The following USP7 variants were observed in gnomAD, a reference collection of about 807,000 sequenced individuals.
USP7 encodes the protein ubiquitin C-terminal hydrolase 7.
A neutral mutation model predicts 162.9 loss-of-function variants in USP7; 9 were observed. That is an observed-to-expected ratio of 0.06 (90% CI 0.03 to 0.10). USP7 has a LOEUF of 0.10. USP7 is among the 10% of genes least tolerant of loss of function. USP7 has a pLI of 1.00. For missense variants in USP7, 715 were observed against 1,373.7 expected (o/e 0.52, Z 7.58); for synonymous variants, 562 against 475.9 (o/e 1.18, Z -2.35).
At chr16:8,928,361 T>C (rs1446401495) in intron 2 of USP7, among the ~76,000 whole-genome samples, 1 of 152,180 alleles carries the variant, frequency 6.6e-6, no homozygotes, top group African/African-American at 2.4e-5. Context: ...AGCTCTGAAG[T>C]CCAGAGTCTT....
In USP7 at chr16:8,893,825, G is replaced by C. The variant is rs2061641068; in HGVS notation, c.*173C>G. 16 of 600,646 alleles carry C rather than the reference G, an allele frequency of 2.7e-5. 2 individuals carry two copies. In the South Asian group the frequency reaches 3.3e-4, roughly 12 times the overall value. The allele number at this position is 600,646 out of a possible 1,614,324, so 37.2% of individuals were successfully genotyped here. A position where few individuals can be genotyped will look rare whatever the true frequency, so the allele number is the denominator to read the frequency against. ...AAACATCTTCATTTTGCTCAAAAAGGGCAGTCAATAGATACAGAGAAGCCA... is the reference window on the plus strand; with the variant it reads ...AAACATCTTCATTTTGCTCAAAAAGCGCAGTCAATAGATACAGAGAAGCCA... On this transcript the variant is annotated 3_prime_UTR_variant, in exon 31 of 31. Coordinates refer to ENST00000344836, the MANE Select transcript of USP7 (RefSeq NM_003470.3).
intron 1 of USP7, among the ~76,000 whole-genome samples, chr16:8,952,111 CA>C (rs1899581293): frequency 6.6e-6 from 1 of 151,832 alleles, no homozygotes; most frequent in East Asian, 1.9e-4. Flanking sequence ...AAAAAATGGC[CA>C]GGTGTGGTGT....
intron 5 of USP7, 108 bp downstream of exon 5, chr16:8,920,251 G>A: frequency 1.1e-6 from 1 of 941,368 alleles, no homozygotes; most frequent in Non-Finnish European, 1.6e-6. Context: ...AGCGCAGAGA[G>A]GAGGCTTACT....
chr16:8,904,964 C>T (rs770392977), intron 14 of USP7, among the ~76,000 whole-genome samples: 25 of 152,086 alleles, frequency 1.6e-4, no homozygotes, highest in Non-Finnish European at 1.6e-4. Context: ...AGCAAGACTC[C>T]GTCTCAAAAA....
At chr16:8,960,125 C>T (rs1899954305) in intron 1 of USP7, among the ~76,000 whole-genome samples, 1 of 152,212 alleles carries the variant, frequency 6.6e-6, no homozygotes, top group African/African-American at 2.4e-5. Context: ...TCCATGGCCA[C>T]CAAAGTTAGC....
Position 8,902,063 on chromosome 16 carries a change from G to C in USP7, c.2047+19C>G. ...ACGCTACTGCTCTAAGTGCAGGCAG[G>C]CGTCTCGTGGGCACTTACGATCTTT... On this transcript the variant is annotated intron_variant, in intron 18 of 30. Coordinates refer to ENST00000344836, the MANE Select transcript of USP7 (RefSeq NM_003470.3). The C allele has an allele frequency of 1.9e-6, 3 of 1,603,738 alleles. No individual in the cohort carries two copies. Among genetic ancestry groups the C allele is most frequent in the Non-Finnish European group, 2.6e-6 (3 of 1,170,722 alleles).
At chr16:8,925,523 A>G (rs2141219995) in intron 2 of USP7, among the ~76,000 whole-genome samples, 1 of 152,274 alleles carries the variant, frequency 6.6e-6, no homozygotes, top group African/African-American at 2.4e-5. Context: ...TGGAACTTTC[A>G]CCCTATACAT....
intron 15 of USP7, 107 bp from the exon 16 acceptor site, chr16:8,903,509 A>C: frequency 7.5e-7 from 1 of 1,331,850 alleles, no homozygotes; most frequent in Admixed American, 3.0e-5. Flanking sequence ...TTTTTGTTCC[A>C]AAGAAACTTC....
At chr16:8,925,474 T>C (rs1421968900) in intron 2 of USP7, among the ~76,000 whole-genome samples, 2 of 152,236 alleles carry the variant, frequency 1.3e-5, no homozygotes, top group African/African-American at 4.8e-5. Flanking sequence ...CAGGGTTTGA[T>C]TTTATGTATA....
intron 1 of USP7, among the ~76,000 whole-genome samples, chr16:8,938,189 A>G (rs1898856242): frequency 6.6e-6 from 1 of 152,160 alleles, no homozygotes; most frequent in Non-Finnish European, 1.5e-5. Flanking sequence ...TTCTTTGACT[A>G]CATATGCTTT....
chr16:8,922,017 C>T (rs142985705), intron 3 of USP7, among the ~76,000 whole-genome samples: 50 of 152,336 alleles, frequency 3.3e-4, no homozygotes, highest in Middle Eastern at 3.4e-3. Context: ...GGGACGCTGA[C>T]ACTGGGTATG....
At chr16:8,907,749 G>C (rs1050302470) in intron 12 of USP7, among the ~76,000 whole-genome samples, 2 of 152,182 alleles carry the variant, frequency 1.3e-5, no homozygotes, top group African/African-American at 4.8e-5. Context: ...AGCAGTTCAA[G>C]GCTGCAGTGA....
intron 7 of USP7, 93 bp downstream of exon 7, chr16:8,916,933 G>A: frequency 1.4e-6 from 2 of 1,385,668 alleles, no homozygotes; most frequent in South Asian, 1.7e-5. Context: ...CCTACAGTAT[G>A]CTCTACTAAC....
At chr16:8,936,974 A>G (rs1209518980) in intron 1 of USP7, among the ~76,000 whole-genome samples, 2 of 152,224 alleles carry the variant, frequency 1.3e-5, no homozygotes, top group African/African-American at 4.8e-5. Flanking sequence ...TGGGGGGCAC[A>G]CAGGCGCTCT....
At chr16:8,947,984 G>T (rs2141257711) in intron 1 of USP7, among the ~76,000 whole-genome samples, 2 of 152,236 alleles carry the variant, frequency 1.3e-5, no homozygotes, top group African/African-American at 4.8e-5. Flanking sequence ...TGGAAGCTTG[G>T]ACATGGTGAC....
chr16:8,939,941 T>C (rs931853306), intron 1 of USP7, among the ~76,000 whole-genome samples: 10 of 152,062 alleles, frequency 6.6e-5, no homozygotes, highest in African/African-American at 2.2e-4. Context: ...CTACTAAAAA[T>C]ACAAAAATTA....
intron 13 of USP7, among the ~76,000 whole-genome samples, chr16:8,906,065 G>A (rs1267009118): frequency 2.6e-5 from 4 of 152,180 alleles, no homozygotes; most frequent in African/African-American, 9.7e-5. Context: ...GAGGAAACAA[G>A]GTAGGACCAG....
At chr16:8,914,899 A>C (rs1412632112) in intron 10 of USP7, among the ~76,000 whole-genome samples, 2 of 152,272 alleles carry the variant, frequency 1.3e-5, no homozygotes, top group African/African-American at 4.8e-5. Flanking sequence ...CAGCACAACA[A>C]GACCCTATCT....
At chr16:8,935,544 A>G (rs1026751425) in intron 1 of USP7, 1 of 152,224 alleles carries the variant, frequency 6.6e-6, no homozygotes, top group Admixed American at 6.5e-5. Flanking sequence ...ATTATCTCAA[A>G]TAAGACTGGG....
Sources: gnomAD v4.1 joint callset for allele counts (sites outside exome capture counted in the v4.1 genomes callset) on GRCh38, gnomAD v4.1.1 for gene constraint, MANE v1.5 for transcripts, NCBI Gene and HGNC (gene_info 2026-07-23, HGNC 2026-07-21) for gene names.